The following SPAG16 variants were observed in gnomAD, a reference collection of about 807,000 sequenced individuals.
SPAG16 encodes the protein sperm associated antigen 16.
A neutral mutation model predicts 80.4 loss-of-function variants in SPAG16; 86 were observed. The observed-to-expected ratio is 1.07, with a 90% CI of 0.90 to 1.28. The LOEUF (loss-of-function observed/expected upper bound fraction) is 1.28, where lower values mean the gene tolerates loss of function less well. Among genes scored for constraint, SPAG16 ranks in the 50% most tolerant of loss-of-function variants. The pLI is 0.00. For missense variants in SPAG16, 870 were observed against 765.3 expected, an observed-to-expected ratio of 1.14 and a Z score of -1.61; for synonymous variants, 294 against 265.9, an observed-to-expected ratio of 1.11 and a Z score of -1.03.
chr2:214,297,609 T>C (rs187909372), intron 15 of SPAG16, among the ~76,000 whole-genome samples: 102 of 152,216 alleles, frequency 6.7e-4, no homozygotes, highest in African/African-American at 2.3e-3. Context: ...TTCCCCATTG[T>C]TTATTTTTGC....
intron 10 of SPAG16, among the ~76,000 whole-genome samples, chr2:213,663,165 A>G (rs1559354880): frequency 1.3e-5 from 2 of 152,112 alleles, no homozygotes; most frequent in South Asian, 4.1e-4. Context: ...AACATCTGCC[A>G]GTTCACAGAA....
rs970827981 is a variant in SPAG16 at position 213,874,648 on chromosome 2, A to T, written c.1214+12020A>T. On this transcript the variant is annotated intron_variant, in intron 11 of 15. Transcript: ENST00000331683. The stretch of plus-strand genomic sequence containing the variant: ...GCCATATGGCATTATGAAGGTTATC[A>T]TGTCACTAGGCCATAGGAATTTTTC... Among the ~76,000 whole-genome samples, 62 of 152,266 alleles carry T rather than the reference A, an allele frequency of 4.1e-4. 1 individual carries two copies. The highest frequency in any genetic ancestry group is 1.4e-3 in the African/African-American group (60 of 41,572).
chr2:214,355,735 G>T (rs1698743028), intron 15 of SPAG16, among the ~76,000 whole-genome samples: 1 of 151,846 alleles, frequency 6.6e-6, no homozygotes, highest in Non-Finnish European at 1.5e-5. Context: ...TATGTTTATT[G>T]CGGCACTATT....
intron 10 of SPAG16, among the ~76,000 whole-genome samples, chr2:213,500,121 C>T (rs1359152400): frequency 6.6e-6 from 1 of 152,168 alleles, no homozygotes; most frequent in Non-Finnish European, 1.5e-5. Flanking sequence ...TATTTCATAT[C>T]ATTCTCCATT....
intron 10 of SPAG16, among the ~76,000 whole-genome samples, chr2:213,815,861 T>C (rs538538452): frequency 2.3e-4 from 35 of 152,286 alleles, no homozygotes; most frequent in African/African-American, 7.9e-4. Context: ...TAGAAATAAA[T>C]TTACATGATA....
chr2:213,600,063 A>G (rs1283407882), intron 10 of SPAG16, among the ~76,000 whole-genome samples: 2 of 152,156 alleles, frequency 1.3e-5, no homozygotes, highest in African/African-American at 4.8e-5. Context: ...TCTAATCCCC[A>G]TATTGTTCCA....
At chr2:213,482,706 G>A (rs2073809369) in intron 9 of SPAG16, among the ~76,000 whole-genome samples, 1 of 152,066 alleles carries the variant, frequency 6.6e-6, no homozygotes, top group African/African-American at 2.4e-5. Context: ...ACAGAGTCTG[G>A]TAATAGATGA....
chr2:213,765,188 G>A (rs926519483), intron 10 of SPAG16, among the ~76,000 whole-genome samples: 5 of 152,210 alleles, frequency 3.3e-5, no homozygotes, highest in African/African-American at 1.2e-4. Flanking sequence ...GGCCAACACG[G>A]TGAAACCACG....
intron 11 of SPAG16, among the ~76,000 whole-genome samples, chr2:213,871,454 A>C (rs2075941001): frequency 6.6e-6 from 1 of 152,062 alleles, no homozygotes; most frequent in East Asian, 1.9e-4. Flanking sequence ...TAAATAGAAA[A>C]GCTGGAGAGT....
At chr2:213,503,383 A>T (rs187922826) in intron 10 of SPAG16, among the ~76,000 whole-genome samples, 2 of 152,326 alleles carry the variant, frequency 1.3e-5, no homozygotes, top group Admixed American at 1.3e-4. Flanking sequence ...ATAAAAGGTC[A>T]TGTTGGCATA....
chr2:214,125,521 A>G (rs904586830), intron 14 of SPAG16, among the ~76,000 whole-genome samples: 2 of 151,708 alleles, frequency 1.3e-5, no homozygotes, highest in Non-Finnish European at 2.9e-5. Context: ...AGTGAAAAAA[A>G]ATGTAGAATT....
intron 9 of SPAG16, among the ~76,000 whole-genome samples, chr2:213,454,195 T>C (rs1469200103): frequency 3.9e-5 from 6 of 152,218 alleles, no homozygotes; most frequent in Non-Finnish European, 7.3e-5. Flanking sequence ...ATGTAGATTA[T>C]AATAGTTTTA....
chr2:213,462,790 C>A (rs2072453891), intron 9 of SPAG16, among the ~76,000 whole-genome samples: 1 of 152,128 alleles, frequency 6.6e-6, no homozygotes, highest in Non-Finnish European at 1.5e-5. Context: ...TTATAAATAA[C>A]CCAGTCTCGG....
chr2:213,850,914 A>G (rs2074871263), intron 10 of SPAG16, among the ~76,000 whole-genome samples: 1 of 152,082 alleles, frequency 6.6e-6, no homozygotes, highest in South Asian at 2.1e-4. Context: ...ATAACATACC[A>G]GTCTACTAAT....
intron 11 of SPAG16, among the ~76,000 whole-genome samples, chr2:213,918,359 G>A (rs981372736): frequency 2.0e-5 from 3 of 152,050 alleles, no homozygotes; most frequent in Non-Finnish European, 2.9e-5. Context: ...GCTCTTCATT[G>A]TATACATATG....
chr2:214,304,396 A>G (rs185827476), intron 15 of SPAG16, among the ~76,000 whole-genome samples: 72 of 152,322 alleles, frequency 4.7e-4, no homozygotes, highest in African/African-American at 1.6e-3. Context: ...TTCTTAAACC[A>G]CAAACAATAG....
At chr2:213,798,395 A>G (rs1231958356) in intron 10 of SPAG16, among the ~76,000 whole-genome samples, 3 of 151,796 alleles carry the variant, frequency 2.0e-5, no homozygotes, top group Non-Finnish European at 2.9e-5. Context: ...CTGGGATTAC[A>G]GGTGCCCATC....
intron 13 of SPAG16, among the ~76,000 whole-genome samples, chr2:214,030,004 T>C (rs1374643824): frequency 1.3e-5 from 2 of 152,140 alleles, no homozygotes; most frequent in Non-Finnish European, 2.9e-5. Flanking sequence ...ACATGAGATC[T>C]AGTCTCTCAA....
intron 4 of SPAG16, among the ~76,000 whole-genome samples, chr2:213,310,571 G>A (rs540830704): frequency 3.4e-4 from 51 of 151,912 alleles, no homozygotes; most frequent in Middle Eastern, 6.8e-3. Flanking sequence ...ATACTAAACA[G>A]TCCTGCTTTA....
Sources: gnomAD v4.1 joint callset for allele counts (sites outside exome capture counted in the v4.1 genomes callset) on GRCh38, gnomAD v4.1.1 for gene constraint, MANE v1.5 for transcripts, NCBI Gene and HGNC (gene_info 2026-07-23, HGNC 2026-07-21) for gene names.